ZEB1: variants seen among roughly 807,000 people sequenced by gnomAD.
ZEB1 encodes the protein zinc finger E-box binding homeobox 1, also known as zinc finger E-box-binding homeobox 1.
Under a neutral mutation model 84.9 loss-of-function variants are expected in ZEB1, and 21 were observed. The observed-to-expected ratio is 0.25, with a 90% CI of 0.18 to 0.36. ZEB1 has a LOEUF of 0.36. Ranked by LOEUF, ZEB1 falls within the 10% of genes least tolerant of loss-of-function variation. The probability of loss-of-function intolerance (pLI) is 1.00; values close to 1 mark genes in which losing one functional copy is unlikely to be tolerated. For synonymous variants in ZEB1, 420 were observed against 471.1 expected (o/e 0.89, Z 1.41); for missense variants, 1,104 against 1,330.2 (o/e 0.83, Z 2.65).
intron 4 of ZEB1, among the ~76,000 whole-genome samples, chr10:31,505,351 T>G (rs2139341515): frequency 6.6e-6 from 1 of 152,226 alleles, no homozygotes; most frequent in African/African-American, 2.4e-5. Flanking sequence ...TGGAATAGTT[T>G]GAGGAGAACT....
intron 1 of ZEB1, among the ~76,000 whole-genome samples, chr10:31,450,327 A>G (rs1263849479): frequency 6.6e-6 from 1 of 152,072 alleles, no homozygotes; most frequent in Non-Finnish European, 1.5e-5. Context: ...TGTTGCTAGT[A>G]ATAGAATTTT....
At chr10:31,446,729 G>A (rs2059832637) in intron 1 of ZEB1, among the ~76,000 whole-genome samples, 1 of 152,044 alleles carries the variant, frequency 6.6e-6, no homozygotes, top group Admixed American at 6.6e-5. Flanking sequence ...AGCTTTGAGT[G>A]AGATTCTTAA....
intron 1 of ZEB1, among the ~76,000 whole-genome samples, chr10:31,425,521 G>A (rs1162110412): frequency 6.6e-6 from 1 of 152,004 alleles, no homozygotes; most frequent in Non-Finnish European, 1.5e-5. Flanking sequence ...AAAAATTACT[G>A]TGTATATATT....
At chr10:31,435,848 G>A (rs1263568196) in intron 1 of ZEB1, among the ~76,000 whole-genome samples, 1 of 152,162 alleles carries the variant, frequency 6.6e-6, no homozygotes, top group African/African-American at 2.4e-5. Context: ...CTGCTGTGTG[G>A]TAAATGGAAA....
At chr10:31,513,424 C>A in intron 5 of ZEB1, among the ~76,000 whole-genome samples, 1 of 152,160 alleles carries the variant, frequency 6.6e-6, no homozygotes, top group Middle Eastern at 3.2e-3. Flanking sequence ...AGATCTCTAT[C>A]ACCTTCCAAC....
intron 1 of ZEB1, among the ~76,000 whole-genome samples, chr10:31,322,757 T>G (rs1489568167): frequency 2.6e-5 from 4 of 152,126 alleles, no homozygotes; most frequent in Non-Finnish European, 5.9e-5. Context: ...CTACCTTTTT[T>G]TTTTTTGAGA....
chr10:31,386,079 T>G (rs1240596549), intron 1 of ZEB1, among the ~76,000 whole-genome samples: 6 of 152,012 alleles, frequency 3.9e-5, no homozygotes, highest in Admixed American at 6.6e-5. Flanking sequence ...AGACAACCAT[T>G]TTATCACTTT....
intron 1 of ZEB1, among the ~76,000 whole-genome samples, chr10:31,398,234 AG>A (rs1456293366): frequency 2.6e-5 from 4 of 152,300 alleles, no homozygotes; most frequent in Admixed American, 2.0e-4. Context: ...TGAGTTGGGA[AG>A]GGCAGCTCTT....
At chr10:31,406,723 T>C (rs2053140735) in intron 1 of ZEB1, among the ~76,000 whole-genome samples, 1 of 152,228 alleles carries the variant, frequency 6.6e-6, no homozygotes, top group Admixed American at 6.5e-5. Flanking sequence ...ATTTTGGCTT[T>C]TGTTGCCATT....
chr10:31,351,174 A>G (rs183060233), intron 1 of ZEB1, among the ~76,000 whole-genome samples: 1 of 152,234 alleles, frequency 6.6e-6, no homozygotes, highest in African/African-American at 2.4e-5. Context: ...TTGAATGTAT[A>G]TTTTCTAGTA....
rs192582806 is a variant in ZEB1, at chr10:31,381,533, G to A, written c.58+62241G>A. ...ATTTGACTAAAAGTAAGATTTTTGG[G>A]TTTAACCTCTAACTTCCAAAATTTC... On this transcript the variant is annotated intron_variant, in intron 1 of 8. Coordinates refer to ENST00000424869, the MANE Select transcript of ZEB1 (RefSeq NM_001174096.2). Among the ~76,000 whole-genome samples the A allele has an allele frequency of 3.9e-5, 6 of 152,208 alleles. No homozygotes were observed. The East Asian group carries it at 1.2e-3, about 29-fold the overall frequency.
At chr10:31,519,891 C>G (rs1781880763) in intron 6 of ZEB1, among the ~76,000 whole-genome samples, 1 of 152,096 alleles carries the variant, frequency 6.6e-6, no homozygotes, top group Admixed American at 6.6e-5. Flanking sequence ...TACACATATG[C>G]TGAGAAGATT....
rs760319462 is a variant in ZEB1, at chr10:31,523,910, T to C, written c.2605-23T>C. ...TTATCTTTTAATGTTAAATTACATT[T>C]TCTCACACCTTTCTCCCTCTAGGAT... On this transcript the variant is annotated intron_variant, in intron 7 of 8. Transcript: ENST00000424869. 2.5e-6 allele frequency: 4 copies of C among 1,611,570 alleles called. No individual in the cohort carries two copies. The African/African-American group carries it at 5.3e-5, about 22-fold the overall frequency.
chr10:31,409,571 GA>G (rs1248933145), intron 1 of ZEB1, among the ~76,000 whole-genome samples: 4 of 152,092 alleles, frequency 2.6e-5, no homozygotes, highest in Non-Finnish European at 4.4e-5. Context: ...GCTTGATGGG[GA>G]TAACATTCAA....
chr10:31,414,883 T>A (rs1296147922), intron 1 of ZEB1, among the ~76,000 whole-genome samples: 2 of 152,186 alleles, frequency 1.3e-5, no homozygotes, highest in African/African-American at 4.8e-5. Context: ...AGCACACAAA[T>A]CTCAAAGAAT....
At position 31,473,424 on chromosome 10, in the gene ZEB1, CAG is replaced by C. The variant is rs1253499395; in HGVS notation, c.259+12192_259+12193del. Reference sequence around the variant, plus strand: ...TTCTTATACACCAGTAACAGACAAACAGAGAGCCAAATCATGAGTGAACTCCC... The same window carrying C: ...TTCTTATACACCAGTAACAGACAAACAGAGCCAAATCATGAGTGAACTCCC... On this transcript the variant is annotated intron_variant, in intron 2 of 8. Transcript: ENST00000424869. 3.9e-5 allele frequency among the ~76,000 whole-genome samples: 6 copies of C among 152,088 alleles called. No individual in the cohort carries two copies. The East Asian group carries it at 1.2e-3, about 29-fold the overall frequency.
chr10:31,328,623 T>G (rs201311131), intron 1 of ZEB1, among the ~76,000 whole-genome samples: 1 of 152,132 alleles, frequency 6.6e-6, no homozygotes, highest in Non-Finnish European at 1.5e-5. Context: ...GACAAAGCTG[T>G]TAAATGATCA....
intron 2 of ZEB1, among the ~76,000 whole-genome samples, chr10:31,462,187 A>G (rs1439422271): frequency 3.3e-5 from 5 of 152,228 alleles, no homozygotes; most frequent in Admixed American, 2.0e-4. Context: ...GGAAGTGTAG[A>G]TAAAAGCTCA....
intron 1 of ZEB1, among the ~76,000 whole-genome samples, chr10:31,449,028 A>C (rs1478484750): frequency 6.6e-6 from 1 of 152,188 alleles, no homozygotes; most frequent in Non-Finnish European, 1.5e-5. Flanking sequence ...GCCGCCTTGC[A>C]GTTTGATCTC....
Sources: gnomAD v4.1 joint callset for allele counts (sites outside exome capture counted in the v4.1 genomes callset) on GRCh38, gnomAD v4.1.1 for gene constraint, MANE v1.5 for transcripts, NCBI Gene and HGNC (gene_info 2026-07-23, HGNC 2026-07-21) for gene names.